The following LRMDA variants were observed in gnomAD, a reference collection of about 807,000 sequenced individuals.
LRMDA encodes leucine-rich melanocyte differentiation-associated protein.
Under a neutral mutation model 29.8 loss-of-function variants are expected in LRMDA, and 18 were observed. The observed-to-expected ratio is 0.60, with a 90% CI of 0.42 to 0.90. The LOEUF is 0.90. Among genes scored for constraint, LRMDA ranks in the 40% least tolerant of loss-of-function variants. The pLI is 0.00. For missense variants in LRMDA, 273 were observed against 273.9 expected (o/e 1.00, Z 0.02); for synonymous variants, 125 against 109.4 (o/e 1.14, Z -0.89).
In LRMDA at chr10:76,349,869, A is replaced by G. The variant is rs545511997; in HGVS notation, c.601+25384A>G. Among the ~76,000 whole-genome samples, 41 of 152,220 alleles carry G rather than the reference A, an allele frequency of 2.7e-4. 1 individual carries two copies. In the South Asian group the frequency reaches 3.1e-3, roughly 12 times the overall value. Reference sequence around the variant, plus strand: ...CTCCTGGGACTCTACCACAGGAAAAACTATTATACATGCTCAGATCAATAT... The same window carrying G: ...CTCCTGGGACTCTACCACAGGAAAAGCTATTATACATGCTCAGATCAATAT... On this transcript the variant is annotated intron_variant, in intron 6 of 6. Coordinates refer to ENST00000611255, the MANE Select transcript of LRMDA (RefSeq NM_001305581.2).
intron 6 of LRMDA, among the ~76,000 whole-genome samples, chr10:76,393,496 ATATTT>A (rs751404891): frequency 9.5e-4 from 144 of 152,262 alleles, no homozygotes; most frequent in Non-Finnish European, 1.1e-3. Context: ...TCCTTTGCCC[ATATTT>A]TAATTGGGTT....
chr10:76,190,365 T>C (rs1032029922), intron 5 of LRMDA, among the ~76,000 whole-genome samples: 7 of 151,972 alleles, frequency 4.6e-5, no homozygotes, highest in Non-Finnish European at 8.8e-5. Context: ...GTTCTGGGGG[T>C]CTAGGGATTA....
intron 5 of LRMDA, among the ~76,000 whole-genome samples, chr10:76,184,037 T>A (rs111396847): frequency 0.14 from 20,935 of 149,422 alleles, 2,258 homozygotes; most frequent in African/African-American, 0.3. Flanking sequence ...TTATTTATTT[T>A]TTTTTTTTTT....
chr10:75,465,458 A>G (rs1474702169), intron 2 of LRMDA, among the ~76,000 whole-genome samples: 3 of 152,234 alleles, frequency 2.0e-5, no homozygotes, highest in Non-Finnish European at 4.4e-5. Context: ...CTGTGGGACT[A>G]GGTACATAGG....
At chr10:75,587,381 G>A (rs2132081267) in intron 2 of LRMDA, among the ~76,000 whole-genome samples, 1 of 152,180 alleles carries the variant, frequency 6.6e-6, no homozygotes, top group African/African-American at 2.4e-5. Context: ...AACCTATTGA[G>A]TATTCTAGAG....
At chr10:76,381,021 CTTT>C (rs538112084) in intron 6 of LRMDA, among the ~76,000 whole-genome samples, 1 of 96,916 alleles carries the variant, frequency 1.0e-5, no homozygotes, top group Non-Finnish European at 2.2e-5. Flanking sequence ...TTTATCTTTG[CTTT>C]TTTTTTTTTT....
intron 6 of LRMDA, among the ~76,000 whole-genome samples, chr10:76,377,067 A>G (rs928068255): frequency 2.6e-5 from 4 of 151,196 alleles, no homozygotes; most frequent in African/African-American, 9.7e-5. Flanking sequence ...TTGTATGTTT[A>G]GTAGAGACAG....
At chr10:76,489,306 T>G (rs1399190789) in intron 6 of LRMDA, among the ~76,000 whole-genome samples, 1 of 151,976 alleles carries the variant, frequency 6.6e-6, no homozygotes, top group Non-Finnish European at 1.5e-5. Flanking sequence ...TGGCATATAA[T>G]TGCTCATAGT....
Position 75,573,568 on chromosome 10 carries a change from C to T in LRMDA, c.131+135074C>T, listed in dbSNP as rs184701180. On this transcript the variant is annotated intron_variant, in intron 2 of 6. Transcript: ENST00000611255. ...TCTCCTTTCAGTTGTATCTTATATTCTGTTGAGCCCATCCATCATATTTTA... is the reference window on the plus strand; with the variant it reads ...TCTCCTTTCAGTTGTATCTTATATTTTGTTGAGCCCATCCATCATATTTTA... Among the ~76,000 whole-genome samples the T allele has an allele frequency of 3.6e-3, 555 of 152,090 alleles. 6 individuals carry two copies. The highest frequency in any genetic ancestry group is 0.013 in the African/African-American group (533 of 41,494).
chr10:75,847,650 C>A (rs1039552449), intron 2 of LRMDA, among the ~76,000 whole-genome samples: 1 of 151,984 alleles, frequency 6.6e-6, no homozygotes, highest in Non-Finnish European at 1.5e-5. Flanking sequence ...AATTCTATAA[C>A]AAAAAGATGA....
At chr10:76,351,684 C>T (rs368814563) in intron 6 of LRMDA, among the ~76,000 whole-genome samples, 21 of 151,016 alleles carry the variant, frequency 1.4e-4, no homozygotes, top group African/African-American at 5.1e-4. Context: ...CAACAAGCCC[C>T]GGTGATTCTT....
At chr10:76,364,801 A>G (rs1267844607) in intron 6 of LRMDA, among the ~76,000 whole-genome samples, 1 of 151,360 alleles carries the variant, frequency 6.6e-6, no homozygotes, top group Non-Finnish European at 1.5e-5. Context: ...TGCACCCATC[A>G]CCCATGTATA....
At chr10:75,867,428 T>A (rs924699195) in intron 2 of LRMDA, among the ~76,000 whole-genome samples, 7 of 152,196 alleles carry the variant, frequency 4.6e-5, no homozygotes, top group Admixed American at 4.6e-4. Context: ...CCCAAAGTGC[T>A]GGGATTACAG....
intron 2 of LRMDA, among the ~76,000 whole-genome samples, chr10:75,441,269 G>T (rs1489723369): frequency 6.6e-6 from 1 of 152,144 alleles, no homozygotes; most frequent in Non-Finnish European, 1.5e-5. Flanking sequence ...ATATCCGTGG[G>T]ATTGCAGGGA....
intron 2 of LRMDA, among the ~76,000 whole-genome samples, chr10:75,532,704 C>T (rs1277431688): frequency 6.6e-6 from 1 of 152,096 alleles, no homozygotes; most frequent in Non-Finnish European, 1.5e-5. Flanking sequence ...TTGAGTCATT[C>T]TCAGTAGGAT....
intron 2 of LRMDA, among the ~76,000 whole-genome samples, chr10:75,658,382 G>A (rs1196053601): frequency 2.0e-5 from 3 of 151,422 alleles, no homozygotes; most frequent in East Asian, 1.9e-4. Flanking sequence ...GGAAAATCTT[G>A]TAAGACTGGA....
Position 76,168,455 on chromosome 10 carries a change from C to T in LRMDA, c.516+109672C>T, listed in dbSNP as rs576828873. On this transcript the variant is annotated intron_variant, in intron 5 of 6. Transcript: ENST00000611255. The stretch of plus-strand genomic sequence containing the variant: ...TCTGTTTCCAGAGCTGGGCAATGGC[C>T]ATCCTCAGCTTTGCCACTACTGTTT... Among the ~76,000 whole-genome samples, 19 of 152,298 alleles carry T rather than the reference C, an allele frequency of 1.2e-4. No homozygotes were observed. In the South Asian group the frequency reaches 2.9e-3, roughly 23 times the overall value.
intron 6 of LRMDA, among the ~76,000 whole-genome samples, chr10:76,329,098 A>G (rs762016673): frequency 1.3e-5 from 2 of 152,176 alleles, no homozygotes; most frequent in Non-Finnish European, 2.9e-5. Context: ...GCTGTTATCC[A>G]TGCGTTGCCC....
chr10:75,918,794 C>T (rs1332203319), intron 2 of LRMDA, among the ~76,000 whole-genome samples: 3 of 152,056 alleles, frequency 2.0e-5, no homozygotes, highest in Non-Finnish European at 4.4e-5. Context: ...AATGTGAGGC[C>T]TTCATGGGAA....
Sources: allele counts gnomAD v4.1 joint callset (sites outside exome capture counted in the v4.1 genomes callset), GRCh38; gene constraint gnomAD v4.1.1; transcripts MANE v1.5; gene names NCBI Gene and HGNC (gene_info 2026-07-23, HGNC 2026-07-21).